The following FLYWCH1 variants were observed in gnomAD, a reference collection of about 807,000 sequenced individuals.
FLYWCH1 encodes FLYWCH-type zinc finger 1.
In FLYWCH1, 75 loss-of-function variants were observed where a neutral mutation model predicts 66.4. The observed-to-expected ratio is 1.13, with a 90% CI of 0.94 to 1.37. FLYWCH1 has a LOEUF of 1.37. Ranked by LOEUF, FLYWCH1 falls within the 40% of genes most tolerant of loss-of-function variation. FLYWCH1 has a pLI of 0.00. For synonymous variants in FLYWCH1, 595 were observed against 429.9 expected (o/e 1.38, Z -4.75); for missense variants, 1,334 against 1,001.8 (o/e 1.33, Z -4.48).
Position 2,936,512 on chromosome 16 carries a change from C to G in FLYWCH1, c.1514-609C>G, listed in dbSNP as rs537541801. On this transcript the variant is annotated intron_variant, in intron 6 of 9. Coordinates refer to ENST00000253928, the MANE Select transcript of FLYWCH1 (RefSeq NM_001308068.2). The stretch of plus-strand genomic sequence containing the variant: ...CACCCCCATCCCCTGCTTCCACTGC[C>G]ACCCGATGTGTCCACGATGCCCCAG... 3 of 451,140 alleles carry G rather than the reference C, an allele frequency of 6.6e-6. No homozygotes were observed. In the Admixed American group the frequency reaches 7.1e-5, roughly 11 times the overall value. 27.9% of individuals were successfully genotyped at this position (451,140 alleles called of 1,614,324 possible). A position where few individuals can be genotyped will look rare whatever the true frequency, so the allele number is the denominator to read the frequency against.
Position 2,930,867 on chromosome 16 carries a change from G to A in FLYWCH1, c.783G>A (p.Ser261=), listed in dbSNP as rs529996172. 65 of 1,594,680 alleles carry A rather than the reference G, an allele frequency of 4.1e-5. No homozygotes were observed. The highest frequency in any genetic ancestry group is 4.5e-4 in the Middle Eastern group (2 of 4,488). Residue 261 remains serine (S), a synonymous_variant, in exon 4 of 10, where the codon TCG becomes TCA. Coordinates refer to ENST00000253928, the MANE Select transcript of FLYWCH1 (RefSeq NM_001308068.2). ...TGAGCCTGCCGCCCAAGAAGCGCTC[G>A]ATCCTGGGGCTGGGTGAGTACAATC... The part of the protein sequence containing the change: ...SLLSLPPKKR[S]ILGLGQARPL...
Position 2,938,433 on chromosome 16 carries a change from C to A in FLYWCH1, c.2027C>A (p.Thr676Asn). The A allele has an allele frequency of 6.5e-7, 1 of 1,528,734 alleles. No individual in the cohort carries two copies. The highest frequency in any genetic ancestry group is 8.8e-7 in the Non-Finnish European group (1 of 1,138,932). The allele number at this position is 1,528,734 out of a possible 1,614,324, so 94.7% of individuals were successfully genotyped here. A position where few individuals can be genotyped will look rare whatever the true frequency, so the allele number is the denominator to read the frequency against. The change falls in exon 8 of 10, where the codon ACC (threonine) becomes AAC (asparagine). Residue 676 changes from threonine (T) to asparagine (N), a missense_variant. By Grantham distance (65) the Thr-to-Asn change is moderately conservative. Transcript: ENST00000253928. ...EALRQRERLP[T>N]TAQQEDPEKI... ...TTGAGGCAACGGGAGCGGCTCCCCACCACGGCCCAGCAGGAGGACCCAGGT... is the reference window on the plus strand; with the variant it reads ...TTGAGGCAACGGGAGCGGCTCCCCAACACGGCCCAGCAGGAGGACCCAGGT...
chr16:2,917,568 G>A (rs2070215855), intron 2 of FLYWCH1, among the ~76,000 whole-genome samples: 1 of 151,968 alleles, frequency 6.6e-6, no homozygotes. Context: ...AAACCTGTAT[G>A]ACATTAAAGA....
chr16:2,929,150 G>A (rs1207685515), intron 2 of FLYWCH1, among the ~76,000 whole-genome samples: 1 of 152,214 alleles, frequency 6.6e-6, no homozygotes, highest in Non-Finnish European at 1.5e-5. Flanking sequence ...CAAGTCCCTG[G>A]GCATCTGAGC....
rs1349460665 is a variant in FLYWCH1, at chr16:2,912,121, C to G, written c.-221C>G. The G allele has an allele frequency of 6.6e-6, 1 of 152,212 alleles. No homozygotes were observed. The highest frequency in any genetic ancestry group is 1.9e-4 in the East Asian group (1 of 5,184). 9.4% of individuals were successfully genotyped at this position (152,212 alleles called of 1,614,324 possible). On this transcript the variant is annotated 5_prime_UTR_variant, in exon 1 of 10. Coordinates refer to ENST00000253928, the MANE Select transcript of FLYWCH1 (RefSeq NM_001308068.2). ...AGAGGCTGAAGGATCCGCCGCGGCGCTGTCGCGGGAGAGGGAGGGCCCCGC... is the reference window on the plus strand; with the variant it reads ...AGAGGCTGAAGGATCCGCCGCGGCGGTGTCGCGGGAGAGGGAGGGCCCCGC...
chr16:2,938,911 CTTT>C (rs986022006), intron 8 of FLYWCH1, among the ~76,000 whole-genome samples: 1 of 134,996 alleles, frequency 7.4e-6, no homozygotes, highest in Non-Finnish European at 1.6e-5. Flanking sequence ...TGTGCCCAAC[CTTT>C]TTTTTTTCTT....
At chr16:2,923,874 C>A (rs1413801194) in intron 2 of FLYWCH1, among the ~76,000 whole-genome samples, 1 of 151,844 alleles carries the variant, frequency 6.6e-6, no homozygotes, top group African/African-American at 2.4e-5. Context: ...CCCATCTCTA[C>A]CAAAAAATAC....
At position 2,929,873 on chromosome 16, in the gene FLYWCH1, A is replaced by C. The variant is rs201548170; in HGVS notation, c.188A>C (p.His63Pro). Residue 63 changes from histidine to proline, a missense_variant, in exon 3 of 10, where the codon CAC becomes CCC. Coordinates refer to ENST00000253928, the MANE Select transcript of FLYWCH1 (RefSeq NM_001308068.2). Reference protein sequence around the residue: ...DGVGSKPQEVHCVLSLEMAGP... With the variant: ...DGVGSKPQEVPCVLSLEMAGP... Reference sequence around the variant, plus strand: ...GTGGGATCCAAGCCCCAGGAAGTGCACTGCGTCCTGTCCCTGGAGATGGCT... The same window carrying C: ...GTGGGATCCAAGCCCCAGGAAGTGCCCTGCGTCCTGTCCCTGGAGATGGCT... 2 of 1,613,782 alleles carry C rather than the reference A, an allele frequency of 1.2e-6. No individual in the cohort carries two copies. The highest frequency in any genetic ancestry group is 1.7e-6 in the Non-Finnish European group (2 of 1,179,886).
At chr16:2,932,203 G>A (rs547269043) in intron 4 of FLYWCH1, among the ~76,000 whole-genome samples, 10 of 150,518 alleles carry the variant, frequency 6.6e-5, no homozygotes, top group East Asian at 3.9e-4. Context: ...GCTTGGAGGC[G>A]GAGGTTGCAG....
intron 6 of FLYWCH1, 148 bp downstream of exon 6, chr16:2,934,127 C>T (rs1390875223): frequency 3.8e-6 from 4 of 1,053,352 alleles, no homozygotes; most frequent in East Asian, 5.3e-5. Context: ...TGGCCTCCTA[C>T]TCCTTGGCCC....
In FLYWCH1 at chr16:2,949,838, A is replaced by G. The variant is rs2071624533; in HGVS notation, c.*1111A>G. 1 of 151,950 alleles carries G rather than the reference A, an allele frequency of 6.6e-6. No homozygotes were observed. Among genetic ancestry groups the G allele is most frequent in the African/African-American group, 2.4e-5 (1 of 41,340 alleles). 9.4% of individuals were successfully genotyped at this position (151,950 alleles called of 1,614,324 possible). A position where few individuals can be genotyped will look rare whatever the true frequency, so the allele number is the denominator to read the frequency against. ...CCGTGTGGAGCTGGTACTTGTTCAC[A>G]TCCCTCTTGCAGCAACAGTTGGCCG... On this transcript the variant is annotated 3_prime_UTR_variant, in exon 10 of 10. Transcript: ENST00000253928.
In FLYWCH1 at chr16:2,914,176, G is replaced by T. The variant is rs2070088680; in HGVS notation, c.-187G>T. ...ATTTGCCACTTTACTTTCTTCACAGGTGAAACCAGCCCAGAGAAGTTACGG... is the reference window on the plus strand; with the variant it reads ...ATTTGCCACTTTACTTTCTTCACAGTTGAAACCAGCCCAGAGAAGTTACGG... On this transcript the variant is annotated splice_region_variant and 5_prime_UTR_variant, in exon 2 of 10. Transcript: ENST00000253928. 6.6e-6 allele frequency: 1 copy of T among 152,216 alleles called. No homozygotes were observed. The highest frequency in any genetic ancestry group is 1.5e-5 in the Non-Finnish European group (1 of 68,070). The allele number at this position is 152,216 out of a possible 1,614,324, so 9.4% of individuals were successfully genotyped here. A position where few individuals can be genotyped will look rare whatever the true frequency, so the allele number is the denominator to read the frequency against.
In FLYWCH1 at chr16:2,949,069, C is replaced by A; in HGVS notation, c.*342C>A. The A allele has an allele frequency of 2.8e-6, 1 of 361,554 alleles. No homozygotes were observed. The highest frequency in any genetic ancestry group is 5.3e-6 in the Non-Finnish European group (1 of 190,248). The allele number at this position is 361,554 out of a possible 1,614,324, so 22.4% of individuals were successfully genotyped here. ...CCCCTGGGTTTGCAGAGCACGCAGC[C>A]TTCCTAGGGCTTTCCACCTGGCGAG... On this transcript the variant is annotated 3_prime_UTR_variant, in exon 10 of 10. Transcript: ENST00000253928.
rs570929284 is a variant in FLYWCH1, at chr16:2,947,648, G to A, written c.2112-1040G>A. Among the ~76,000 whole-genome samples, 13 of 151,976 alleles carry A rather than the reference G, an allele frequency of 8.6e-5. 2 individuals carry two copies. The highest frequency in any genetic ancestry group is 3.1e-4 in the African/African-American group (13 of 41,422). ...GTGGTGGCACGCACCTATAATCCCAGCTACTCATGAGGCTGAGGCAGGAGA... is the reference window on the plus strand; with the variant it reads ...GTGGTGGCACGCACCTATAATCCCAACTACTCATGAGGCTGAGGCAGGAGA... On this transcript the variant is annotated intron_variant, in intron 9 of 9. Coordinates refer to ENST00000253928, the MANE Select transcript of FLYWCH1 (RefSeq NM_001308068.2).
At chr16:2,925,594 G>A (rs2070536782) in intron 2 of FLYWCH1, among the ~76,000 whole-genome samples, 1 of 149,472 alleles carries the variant, frequency 6.7e-6, no homozygotes, top group Non-Finnish European at 1.5e-5. Flanking sequence ...GGGGTACGGG[G>A]CTTTCCGCCC....
At chr16:2,940,571 G>GA (rs2071219213) in intron 9 of FLYWCH1, among the ~76,000 whole-genome samples, 2 of 152,168 alleles carry the variant, frequency 1.3e-5, no homozygotes, top group South Asian at 4.1e-4. Flanking sequence ...GAGTAGCTGG[G>GA]ATTACAGGCA....
rs35507793 is a variant in FLYWCH1, at chr16:2,950,083, G to C, written c.*1356G>C. On this transcript the variant is annotated 3_prime_UTR_variant, in exon 10 of 10. Coordinates refer to ENST00000253928, the MANE Select transcript of FLYWCH1 (RefSeq NM_001308068.2). ...GCAGGACATTTGCGTCGTGTTGCTGGAAGAGGCAGGATGCTCTGTTCTCGC... is the reference window on the plus strand; with the variant it reads ...GCAGGACATTTGCGTCGTGTTGCTGCAAGAGGCAGGATGCTCTGTTCTCGC... 1 of 152,092 alleles carries C rather than the reference G, an allele frequency of 6.6e-6. No homozygotes were observed. Among genetic ancestry groups the C allele is most frequent in the Non-Finnish European group, 1.5e-5 (1 of 68,026 alleles). 9.4% of individuals were successfully genotyped at this position (152,092 alleles called of 1,614,324 possible). A position where few individuals can be genotyped will look rare whatever the true frequency, so the allele number is the denominator to read the frequency against.
intron 2 of FLYWCH1, among the ~76,000 whole-genome samples, chr16:2,919,506 C>T (rs768778095): frequency 2.0e-5 from 3 of 151,950 alleles, no homozygotes; most frequent in Non-Finnish European, 2.9e-5. Context: ...CCTCGTGATC[C>T]GCCTGCCTTG....
intron 9 of FLYWCH1, among the ~76,000 whole-genome samples, chr16:2,944,644 G>C (rs1232451545): frequency 1.3e-5 from 2 of 151,704 alleles, no homozygotes; most frequent in Admixed American, 6.6e-5. Context: ...GAAACATGGT[G>C]AAACCCCGTC....
Sources: gnomAD v4.1 joint callset for allele counts (sites outside exome capture counted in the v4.1 genomes callset) on GRCh38, gnomAD v4.1.1 for gene constraint, MANE v1.5 for transcripts, NCBI Gene and HGNC (gene_info 2026-07-23, HGNC 2026-07-21) for gene names.